Variants in ANKRD11 observed in about 807,000 individuals in gnomAD.
The protein encoded by ANKRD11 is ankyrin repeat domain-containing protein 11.
A neutral mutation model predicts 195.7 loss-of-function variants in ANKRD11; 17 were observed. That is an observed-to-expected ratio of 0.09 (90% CI 0.06 to 0.13). The LOEUF is 0.13. Ranked by LOEUF, ANKRD11 falls within the 10% of genes least tolerant of loss-of-function variation. The pLI is 1.00. For missense variants in ANKRD11, 3,735 were observed against 3,566.1 expected (o/e 1.05, Z -1.21); for synonymous variants, 1,953 against 1,528.1 (o/e 1.28, Z -6.49).
At chr16:89,268,775 C>T (rs1319009810) in intron 12 of ANKRD11, 112 bp from the exon 13 acceptor site, 1 of 1,295,062 alleles carries the variant, frequency 7.7e-7, no homozygotes, top group Non-Finnish European at 1.1e-6. Flanking sequence ...GTGAACCTAC[C>T]CTGGTATGGG....
chr16:89,421,013 G>C (rs939128187), intron 1 of ANKRD11, among the ~76,000 whole-genome samples: 1 of 152,276 alleles, frequency 6.6e-6, no homozygotes, highest in East Asian at 1.9e-4. Context: ...CAGGCCTGTG[G>C]AGGCTGAGTG....
chr16:89,389,001 C>T (rs911113715), intron 2 of ANKRD11, among the ~76,000 whole-genome samples: 2 of 152,144 alleles, frequency 1.3e-5, no homozygotes, highest in South Asian at 4.1e-4. Context: ...TTCACAATGT[C>T]CAGCATCCCA....
At position 89,280,430 on chromosome 16, in the gene ANKRD11, T is replaced by G; in HGVS notation, c.6112A>C (p.Lys2038Gln). Reference sequence around the variant, plus strand: ...GCGGGGACGGCGTCCACTCCGTCCTTGACGTCCTCCAGCCCCGGCTCAGCG... The same window carrying G: ...GCGGGGACGGCGTCCACTCCGTCCTGGACGTCCTCCAGCCCCGGCTCAGCG... ...PVAEPGLEDV[K>Q]DGVDAVPAAI... Residue 2038 changes from lysine (K) to glutamine (Q), a missense_variant, in exon 9 of 13, where the codon AAG becomes CAG. Transcript: ENST00000301030. 1 of 1,579,448 alleles carries G rather than the reference T, an allele frequency of 6.3e-7. No individual in the cohort carries two copies. Among genetic ancestry groups the G allele is most frequent in the South Asian group, 1.1e-5 (1 of 87,292 alleles).
intron 2 of ANKRD11, among the ~76,000 whole-genome samples, chr16:89,386,078 G>C (rs1016173777): frequency 4.7e-4 from 72 of 152,330 alleles, no homozygotes; most frequent in Non-Finnish European, 7.1e-4. Context: ...AGAAGCAAAG[G>C]GGATGCCAGG....
At position 89,369,510 on chromosome 16, in the gene ANKRD11, C is replaced by A. The variant is rs145185054; in HGVS notation, c.-60+48774G>T. On this transcript the variant is annotated intron_variant, in intron 2 of 12. Transcript: ENST00000301030. ...AGCTCTGCCGTATCAGACACAAAGG[C>A]CCACAGATTGTCCTTCACATGAACG... 8.1e-3 allele frequency among the ~76,000 whole-genome samples: 1,240 copies of A among 152,334 alleles called. 14 individuals are homozygous for A. Among genetic ancestry groups the A allele is most frequent in the African/African-American group, 0.028 (1,162 of 41,576 alleles).
intron 2 of ANKRD11, among the ~76,000 whole-genome samples, chr16:89,398,861 A>G (rs2152147992): frequency 6.6e-6 from 1 of 152,300 alleles, no homozygotes; most frequent in East Asian, 1.9e-4. Flanking sequence ...GCCCAGGAGT[A>G]CAGATGCAGT....
intron 2 of ANKRD11, among the ~76,000 whole-genome samples, chr16:89,391,182 C>T (rs565644571): frequency 1.7e-4 from 25 of 148,386 alleles, no homozygotes; most frequent in Middle Eastern, 7.0e-3. Context: ...GAGCCGAGAT[C>T]GCGCCACTGA....
intron 2 of ANKRD11, among the ~76,000 whole-genome samples, chr16:89,371,348 G>C (rs1266403601): frequency 6.6e-6 from 1 of 152,238 alleles, no homozygotes; most frequent in African/African-American, 2.4e-5. Context: ...AGCACCGCCA[G>C]TGTCCATTCT....
chr16:89,437,004 G>A (rs1005042373), intron 1 of ANKRD11, among the ~76,000 whole-genome samples: 2 of 152,156 alleles, frequency 1.3e-5, no homozygotes, highest in Middle Eastern at 3.4e-3. Flanking sequence ...GGTCAAAGTT[G>A]ATGAATTTAG....
chr16:89,396,701 T>G (rs1258271034), intron 2 of ANKRD11, among the ~76,000 whole-genome samples: 1 of 152,160 alleles, frequency 6.6e-6, no homozygotes, highest in Non-Finnish European at 1.5e-5. Flanking sequence ...TTGCTGTTGT[T>G]TTTGGGACGG....
At chr16:89,293,314 A>G (rs1182338863) in intron 4 of ANKRD11, among the ~76,000 whole-genome samples, 1 of 152,134 alleles carries the variant, frequency 6.6e-6, no homozygotes, top group Non-Finnish European at 1.5e-5. Context: ...TCCTTATTCC[A>G]TTGACCATCA....
intron 2 of ANKRD11, among the ~76,000 whole-genome samples, chr16:89,319,778 G>A (rs1377792182): frequency 6.6e-6 from 1 of 152,252 alleles, no homozygotes; most frequent in Non-Finnish European, 1.5e-5. Flanking sequence ...GCAGGCACCA[G>A]GCGTGCAGCA....
rs547833216 is a variant in ANKRD11, at chr16:89,344,328, G to A, written c.-59-27250C>T. On this transcript the variant is annotated intron_variant, in intron 2 of 12. Transcript: ENST00000301030. ...GTATTATTTCCACATGGCAAACAAA[G>A]AGACAGGAGCTGCAACCATCCAAAG... Among the ~76,000 whole-genome samples, 8 of 152,308 alleles carry A rather than the reference G, an allele frequency of 5.3e-5. No individual in the cohort carries two copies. The South Asian group carries it at 8.3e-4, about 16-fold the overall frequency.
At chr16:89,480,466 G>C (rs1171825200) in intron 1 of ANKRD11, among the ~76,000 whole-genome samples, 1 of 150,978 alleles carries the variant, frequency 6.6e-6, no homozygotes, top group Non-Finnish European at 1.5e-5. Context: ...GACAGAGTGA[G>C]ACTCCATCTC....
chr16:89,288,860 C>T (rs1227888475), intron 6 of ANKRD11, 190 bp from the exon 7 acceptor site: 4 of 714,054 alleles, frequency 5.6e-6, no homozygotes, highest in Admixed American at 4.5e-5. Flanking sequence ...TACTGTGGCA[C>T]CTCGTTAGCA....
At chr16:89,296,344 C>G (rs2035435810) in intron 4 of ANKRD11, among the ~76,000 whole-genome samples, 1 of 152,148 alleles carries the variant, frequency 6.6e-6, no homozygotes, top group Admixed American at 6.5e-5. Flanking sequence ...CTCTCCTCTG[C>G]CGAGGTGCCT....
chr16:89,305,022 G>A (rs572564153), intron 4 of ANKRD11, 184 bp downstream of exon 4: 5 of 890,792 alleles, frequency 5.6e-6, no homozygotes, highest in Admixed American at 2.8e-5. Context: ...TGAGCCTCGG[G>A]TGCAAAGGAG....
At chr16:89,316,660 G>A (rs934668385) in intron 3 of ANKRD11, among the ~76,000 whole-genome samples, 1 of 152,250 alleles carries the variant, frequency 6.6e-6, no homozygotes, top group African/African-American at 2.4e-5. Flanking sequence ...TCTGGGGGTA[G>A]AAACGTGCAG....
chr16:89,435,036 G>C (rs1419422052), intron 1 of ANKRD11, among the ~76,000 whole-genome samples: 1 of 152,236 alleles, frequency 6.6e-6, no homozygotes. Flanking sequence ...GGTGAAGCCA[G>C]CTGGGCTTCT....
Sources: gnomAD v4.1 joint callset for allele counts (sites outside exome capture counted in the v4.1 genomes callset) on GRCh38, gnomAD v4.1.1 for gene constraint, MANE v1.5 for transcripts, NCBI Gene and HGNC (gene_info 2026-07-23, HGNC 2026-07-21) for gene names.